Variants in SP7 observed in about 807,000 individuals in gnomAD.
SP7 encodes Sp7 transcription factor, also known as transcription factor Sp7.
In SP7, 13 loss-of-function variants were observed where a neutral mutation model predicts 27.9. That is an observed-to-expected ratio of 0.47 (90% CI 0.30 to 0.74). SP7 has a LOEUF of 0.74. SP7 is among the 30% of genes least tolerant of loss of function. The pLI is 0.06. For missense variants in SP7, 525 were observed against 558.0 expected (o/e 0.94, Z 0.60); for synonymous variants, 219 against 226.7 (o/e 0.97, Z 0.31).
upstream of SP7, among the ~76,000 whole-genome samples, chr12:53,338,106 C>CAGAGGAGGAGAAGGAGGA (rs767126357): frequency 5.1e-5 from 7 of 136,226 alleles, no homozygotes; most frequent in Non-Finnish European, 7.9e-5. Context: ...TAGCCAGGTC[C>CAGAGGAGGAGAAGGAGGA]GGAGGAGGAG....
At chr12:53,336,015 T>G in intron 1 of SP7, 131 bp downstream of exon 1, 1 of 270,200 alleles carries the variant, frequency 3.7e-6, no homozygotes, top group Non-Finnish European at 7.0e-6. Flanking sequence ...CATGGGCAAG[T>G]TGTCAGGGCT....
At chr12:53,332,483 T>A (rs912135612) in intron 2 of SP7, among the ~76,000 whole-genome samples, 4 of 151,970 alleles carry the variant, frequency 2.6e-5, no homozygotes, top group Non-Finnish European at 5.9e-5. Flanking sequence ...GAGGCTGAGA[T>A]GGGAAGCTCA....
intron 2 of SP7, among the ~76,000 whole-genome samples, chr12:53,334,497 T>A (rs1209598388): frequency 1.3e-5 from 2 of 152,072 alleles, no homozygotes. Context: ...GTTGAGTGAG[T>A]TGGCTTCCTG....
At position 53,328,587 on chromosome 12, in the gene SP7, C is replaced by T. The variant is rs561083858; in HGVS notation, c.855G>A (p.Ala285=). ...CQELERLGAA[A]AGLRKKPIHS... ...GGATGGGCTTCTTCCGCAGCCCAGC[C>T]GCTGCTGCTCCCAGCCGCTCTAGCT... The change falls in exon 3 of 3, where the codon GCG becomes GCA. Residue 285 remains alanine, a synonymous_variant. Transcript: ENST00000536324. The surrounding 1 kb of genome is among the most constrained non-coding windows in gnomAD (Gnocchi z 5.1). The T allele has an allele frequency of 4.5e-5, 73 of 1,609,334 alleles. No homozygotes were observed. The South Asian group carries it at 5.4e-4, about 12-fold the overall frequency.
chr12:53,342,955 T>C (rs1944836233), intron 1 of SP7, among the ~76,000 whole-genome samples: 1 of 151,672 alleles, frequency 6.6e-6, no homozygotes, highest in South Asian at 2.1e-4. Context: ...GAAGACAGCA[T>C]GACTAAGTAA....
chr12:53,330,030 G>A (rs996670610), intron 2 of SP7, among the ~76,000 whole-genome samples: 3 of 151,600 alleles, frequency 2.0e-5, no homozygotes, highest in African/African-American at 4.9e-5. Context: ...CACTGCGCCC[G>A]GCCTTTTCTT....
At position 53,328,160 on chromosome 12, in the gene SP7, A is replaced by T. The variant is rs1489587026; in HGVS notation, c.1282T>A (p.Leu428Met). The stretch of plus-strand genomic sequence containing the variant: ...TTCCACCCGGCTCAGATCTCCAGCA[A>T]GTTGCTCTGCTCAGGGCTGCCTCCA... ...APGGSPEQSN[L>M]LEI Residue 428 changes from leucine to methionine, a missense_variant, in exon 3 of 3, where the codon TTG becomes ATG. By Grantham distance (15) the Leu-to-Met change is conservative (BLOSUM62 2). Transcript: ENST00000536324. The surrounding 1 kb of genome is among the most constrained non-coding windows in gnomAD (Gnocchi z 5.1). 8 of 1,611,480 alleles carry T rather than the reference A, an allele frequency of 5.0e-6. No individual in the cohort carries two copies. The highest frequency in any genetic ancestry group is 1.3e-5 in the African/African-American group (1 of 74,840).
upstream of SP7, among the ~76,000 whole-genome samples, chr12:53,340,763 G>A (rs1263327652): frequency 6.6e-6 from 1 of 152,184 alleles, no homozygotes; most frequent in Non-Finnish European, 1.5e-5. Flanking sequence ...AAAGAAGAAG[G>A]CACGCAGAGA....
chr12:53,330,462 G>A lies in SP7; in HGVS notation c.22-1042C>T, dbSNP rs920009445. Among the ~76,000 whole-genome samples, 6 of 152,144 alleles carry A rather than the reference G, an allele frequency of 3.9e-5. No individual in the cohort carries two copies. The South Asian group carries it at 6.2e-4, about 16-fold the overall frequency. On this transcript the variant is annotated intron_variant, in intron 2 of 2. Transcript: ENST00000536324. ...TCAAACTTCTTTCTGGGCTCCAAGCGATCCTCCACCCTCAGCCTCCAGAGT... is the reference window on the plus strand; with the variant it reads ...TCAAACTTCTTTCTGGGCTCCAAGCAATCCTCCACCCTCAGCCTCCAGAGT...
Position 53,328,116 on chromosome 12 carries a change from A to C in SP7, c.*30T>G, listed in dbSNP as rs777077547. 1.3e-6 allele frequency: 2 copies of C among 1,558,386 alleles called. No individual in the cohort carries two copies. The highest frequency in any genetic ancestry group is 2.4e-5 in the South Asian group (2 of 83,610). On this transcript the variant is annotated 3_prime_UTR_variant, in exon 3 of 3. Transcript: ENST00000536324. This position sits in a 1 kb window ranked among gnomAD's most constrained non-coding sequence, Gnocchi z 5.1. ...GAGAGCCAAGAGAGACTGTCAGGGC[A>C]GCCCTGGGGTGGGAGACCTTCCACC...
At position 53,344,643 on chromosome 12, in the gene SP7, T is replaced by C. The variant is rs1309130866; in HGVS notation, c.-34+471A>G. 6.6e-6 allele frequency among the ~76,000 whole-genome samples: 1 copy of C among 152,126 alleles called. No individual in the cohort carries two copies. The highest frequency in any genetic ancestry group is 1.5e-5 in the Non-Finnish European group (1 of 68,026). ...GGACGGTTGAAGCTGAGGCAGGATT[T>C]GGGGGGTCTTAGCCCCCAGCCACAG... On this transcript the variant is annotated intron_variant, in intron 1 of 1. Coordinates refer to the SP7 transcript ENST00000547755. The surrounding 1 kb of genome is among the most constrained non-coding windows in gnomAD (Gnocchi z 4.6).
intron 2 of SP7, among the ~76,000 whole-genome samples, chr12:53,329,799 TCGG>T (rs1944683373): frequency 6.6e-6 from 1 of 151,254 alleles, no homozygotes; most frequent in Admixed American, 6.6e-5. Flanking sequence ...TGGTGTGACC[TCGG>T]CTCACTGCAA....
At chr12:53,331,470 CAAAAA>C (rs367626786) in intron 2 of SP7, among the ~76,000 whole-genome samples, 16 of 105,362 alleles carry the variant, frequency 1.5e-4, no homozygotes, top group African/African-American at 4.9e-4. Flanking sequence ...GACTCCATCT[CAAAAA>C]AAAAAAAAAA....
At chr12:53,337,037 C>A (rs369100952), upstream of SP7, among the ~76,000 whole-genome samples, 1 of 152,044 alleles carries the variant, frequency 6.6e-6, no homozygotes, top group Non-Finnish European at 1.5e-5. Flanking sequence ...GTGAGGGTGG[C>A]GGTAGAAGGT....
At chr12:53,339,263 A>G (rs958836559), upstream of SP7, among the ~76,000 whole-genome samples, 11 of 152,210 alleles carry the variant, frequency 7.2e-5, no homozygotes, top group African/African-American at 2.4e-4. Flanking sequence ...TGATATCCCA[A>G]TGCCAGGACT....
upstream of SP7, among the ~76,000 whole-genome samples, chr12:53,338,333 C>G (rs151016066): frequency 6.6e-6 from 1 of 151,966 alleles, no homozygotes; most frequent in South Asian, 2.1e-4. Context: ...TCCGGGGCCC[C>G]GAACTCAGAA....
chr12:53,342,490 A>G (rs946063091), intron 1 of SP7, among the ~76,000 whole-genome samples: 7 of 152,172 alleles, frequency 4.6e-5, no homozygotes, highest in African/African-American at 1.7e-4. Context: ...ACCAGCAACT[A>G]ATACAAAAGA....
At chr12:53,336,727 CCTGTGTGTGTGTACGTGCCCGTGT>C (rs1944775901), upstream of SP7, among the ~76,000 whole-genome samples, 1 of 151,756 alleles carries the variant, frequency 6.6e-6, no homozygotes, top group Non-Finnish European at 1.5e-5. Flanking sequence ...TGTATGTGCC[CCTGTGTGTGTGTACGTGCCCGTGT>C]GTGTGTGTGT....
intron 2 of SP7, 33 bp from the exon 3 acceptor site, chr12:53,329,453 G>A (rs772187307): frequency 6.3e-7 from 1 of 1,591,926 alleles, no homozygotes; most frequent in Admixed American, 1.7e-5. Context: ...CTTAGGGAGA[G>A]GGGAGGAGAG....
Sources: allele counts gnomAD v4.1 joint callset (sites outside exome capture counted in the v4.1 genomes callset), GRCh38; gene constraint gnomAD v4.1.1; non-coding constraint Gnocchi (gnomAD v3.1); transcripts MANE v1.5; gene names NCBI Gene and HGNC (gene_info 2026-07-23, HGNC 2026-07-21).